Variants in XKR6 observed in about 807,000 individuals in gnomAD.
XKR6 encodes the protein XK related 6, also known as XK-related protein 6.
In XKR6, 22 loss-of-function variants were observed where a neutral mutation model predicts 56.7. That is an observed-to-expected ratio of 0.39 (90% CI 0.28 to 0.55). XKR6 has a LOEUF of 0.55. Among genes scored for constraint, XKR6 ranks in the 20% least tolerant of loss-of-function variants. XKR6 has a pLI of 0.66. For synonymous variants in XKR6, 524 were observed against 387.8 expected (o/e 1.35, Z -4.13); for missense variants, 852 against 889.0 (o/e 0.96, Z 0.53).
At chr8:10,913,263 C>T (rs1377710650) in intron 2 of XKR6, among the ~76,000 whole-genome samples, 1 of 151,930 alleles carries the variant, frequency 6.6e-6, no homozygotes, top group African/African-American at 2.4e-5. Flanking sequence ...AGCCCCAGGA[C>T]AGAGATCCAT....
At chr8:11,020,345 C>G (rs1586439512) in intron 1 of XKR6, among the ~76,000 whole-genome samples, 1 of 152,168 alleles carries the variant, frequency 6.6e-6, no homozygotes, top group Admixed American at 6.5e-5. Flanking sequence ...AGAAATGCAT[C>G]CATCCATCCA....
At chr8:11,053,738 T>A (rs1432374681) in intron 1 of XKR6, among the ~76,000 whole-genome samples, 1 of 152,210 alleles carries the variant, frequency 6.6e-6, no homozygotes, top group Admixed American at 6.5e-5. Flanking sequence ...ACTTGTGCTG[T>A]CCTGTGGATA....
chr8:11,001,162 A>G (rs1211189799), intron 1 of XKR6, among the ~76,000 whole-genome samples: 2 of 152,228 alleles, frequency 1.3e-5, no homozygotes, highest in African/African-American at 4.8e-5. Context: ...TAGGTGCCAT[A>G]CACAAATTTT....
chr8:10,938,020 T>G (rs1054776003), intron 1 of XKR6, among the ~76,000 whole-genome samples: 1 of 152,064 alleles, frequency 6.6e-6, no homozygotes, highest in Non-Finnish European at 1.5e-5. Flanking sequence ...CCTTGCAGTT[T>G]GATCTCAGAC....
intron 1 of XKR6, among the ~76,000 whole-genome samples, chr8:11,119,317 T>G (rs1378210378): frequency 6.6e-6 from 1 of 152,214 alleles, no homozygotes; most frequent in African/African-American, 2.4e-5. Context: ...TGTAGATGTC[T>G]ATTAGGTCCG....
In XKR6 at chr8:11,149,232, A is replaced by G. The variant is rs574545878; in HGVS notation, c.764+51344T>C. 1.4e-4 allele frequency among the ~76,000 whole-genome samples: 21 copies of G among 152,322 alleles called. 1 individual carries two copies. The highest frequency in any genetic ancestry group is 4.8e-4 in the African/African-American group (20 of 41,574). ...TACACACGCCTAGATGGCATTGCCT[A>G]CGACACACCTCGACTCTATATACAG... On this transcript the variant is annotated intron_variant, in intron 1 of 2. Coordinates refer to ENST00000416569, the MANE Select transcript of XKR6 (RefSeq NM_173683.4).
chr8:10,983,020 G>A (rs1797769947), intron 1 of XKR6, among the ~76,000 whole-genome samples: 1 of 151,966 alleles, frequency 6.6e-6, no homozygotes, highest in Non-Finnish European at 1.5e-5. Flanking sequence ...TAACTTACAG[G>A]GTTGTAAGCA....
chr8:10,897,850 G>A lies in XKR6; in HGVS notation c.*102C>T, dbSNP rs1011603528. On this transcript the variant is annotated 3_prime_UTR_variant, in exon 3 of 3. Transcript: ENST00000416569. Reference sequence around the variant, plus strand: ...GTGTGGCGGTGTTGGTGGTGGTGGCGGTGGTTCTGTGTATTGGGGGAAGGG... The same window carrying A: ...GTGTGGCGGTGTTGGTGGTGGTGGCAGTGGTTCTGTGTATTGGGGGAAGGG... 1.0e-5 allele frequency: 15 copies of A among 1,432,794 alleles called. No individual in the cohort carries two copies. Among genetic ancestry groups the A allele is most frequent in the African/African-American group, 4.3e-5 (3 of 70,196 alleles). The allele number at this position is 1,432,794 out of a possible 1,614,324, so 88.8% of individuals were successfully genotyped here. A position where few individuals can be genotyped will look rare whatever the true frequency, so the allele number is the denominator to read the frequency against.
intron 1 of XKR6, chr8:11,123,842 A>AGTGTCC (rs944657032): frequency 1.3e-5 from 6 of 456,170 alleles, no homozygotes; most frequent in African/African-American, 1.2e-4. Flanking sequence ...AGGCAGTTCC[A>AGTGTCC]GTGTCCCGTG....
chr8:11,055,534 C>T lies in XKR6; in HGVS notation c.765-130704G>A, dbSNP rs533979900. Among the ~76,000 whole-genome samples, 9 of 152,276 alleles carry T rather than the reference C, an allele frequency of 5.9e-5. No homozygotes were observed. The South Asian group carries it at 8.3e-4, about 14-fold the overall frequency. ...AGGCCTCCCTCAGCCCTGCAGGGAG[C>T]GGCATGGGGTTCCGCCCGCCCCGCC... is the stretch of plus-strand genomic sequence containing the variant. On this transcript the variant is annotated intron_variant, in intron 1 of 2. Transcript: ENST00000416569.
chr8:10,913,466 A>G (rs190024648), intron 2 of XKR6, among the ~76,000 whole-genome samples: 1 of 152,246 alleles, frequency 6.6e-6, no homozygotes, highest in African/African-American at 2.4e-5. Context: ...AGGTGAAAGC[A>G]CTTCACTCAG....
chr8:11,048,135 G>GA (rs1384162075), intron 1 of XKR6, among the ~76,000 whole-genome samples: 1 of 152,168 alleles, frequency 6.6e-6, no homozygotes, highest in Non-Finnish European at 1.5e-5. Context: ...GCAGCAGCCA[G>GA]AAAGCCACCT....
At chr8:11,054,414 T>C (rs1171905113) in intron 1 of XKR6, among the ~76,000 whole-genome samples, 2 of 152,200 alleles carry the variant, frequency 1.3e-5, no homozygotes, top group Non-Finnish European at 2.9e-5. Context: ...TGTACCGGTG[T>C]TCAAGTTGCA....
chr8:11,031,249 C>T (rs1009314290), intron 1 of XKR6, among the ~76,000 whole-genome samples: 13 of 152,226 alleles, frequency 8.5e-5, no homozygotes, highest in East Asian at 7.7e-4. Context: ...CGTGCAAGAA[C>T]GTGAGAGCAT....
chr8:11,158,212 T>C (rs906372669), intron 1 of XKR6, among the ~76,000 whole-genome samples: 1 of 152,042 alleles, frequency 6.6e-6, no homozygotes, highest in African/African-American at 2.4e-5. Flanking sequence ...CAGTGTGCAA[T>C]GGAAGCAGAG....
At position 10,924,740 on chromosome 8, in the gene XKR6, T is replaced by C. The variant is rs1445867466; in HGVS notation, c.855A>G (p.Ala285=). Residue 285 remains alanine (A), a synonymous_variant, in exon 2 of 3, where the codon GCA becomes GCG. Coordinates refer to ENST00000416569, the MANE Select transcript of XKR6 (RefSeq NM_173683.4). ...RFYWAMMYEY[A]DVNMLRLLET... is the part of the protein sequence containing the mutation. ...CCAGGAGGCGCAGCATGTTGACGTC[T>C]GCATATTCATACATCATAGCCCAGT... 2 of 1,613,890 alleles carry C rather than the reference T, an allele frequency of 1.2e-6. No individual in the cohort carries two copies. Among genetic ancestry groups the C allele is most frequent in the Non-Finnish European group, 1.7e-6 (2 of 1,180,014 alleles).
intron 1 of XKR6, among the ~76,000 whole-genome samples, chr8:10,934,981 T>C (rs959852888): frequency 2.1e-5 from 2 of 96,662 alleles, no homozygotes; most frequent in Admixed American, 1.8e-4. Context: ...ATGGTACCAG[T>C]TCCTCCTTGT....
At chr8:11,179,867 T>C (rs1319090706) in intron 1 of XKR6, among the ~76,000 whole-genome samples, 1 of 152,224 alleles carries the variant, frequency 6.6e-6, no homozygotes, top group Non-Finnish European at 1.5e-5. Flanking sequence ...GCACACTGGC[T>C]CATGCCAGTA....
At chr8:11,065,041 AC>A (rs1799941117) in intron 1 of XKR6, among the ~76,000 whole-genome samples, 2 of 152,366 alleles carry the variant, frequency 1.3e-5, no homozygotes, top group Middle Eastern at 6.8e-3. Flanking sequence ...AGGATATGAC[AC>A]AGCATAAAAT....
Sources: allele counts gnomAD v4.1 joint callset (sites outside exome capture counted in the v4.1 genomes callset), GRCh38; gene constraint gnomAD v4.1.1; transcripts MANE v1.5; gene names NCBI Gene and HGNC (gene_info 2026-07-23, HGNC 2026-07-21).